The following MYO7B variants were observed in gnomAD, a reference collection of about 807,000 sequenced individuals.
MYO7B encodes the protein myosin VIIB.
MYO7B carries 212 observed loss-of-function variants against 259.7 expected under a neutral mutation model. The observed-to-expected ratio is 0.82, with a 90% confidence interval of 0.73 to 0.91. MYO7B has a LOEUF of 0.91. MYO7B is among the 40% of genes least tolerant of loss of function. The probability of loss-of-function intolerance (pLI) is 0.00; values close to 1 mark genes in which losing one functional copy is unlikely to be tolerated. For synonymous variants in MYO7B, 1,197 were observed against 1,166.4 expected (o/e 1.03, Z -0.54); for missense variants, 2,732 against 2,813.5 (o/e 0.97, Z 0.66).
chr2:127,560,667 C>A (rs941109741), intron 2 of MYO7B, among the ~76,000 whole-genome samples: 2 of 152,132 alleles, frequency 1.3e-5, no homozygotes, highest in Non-Finnish European at 2.9e-5. Context: ...AGCAGAGGCC[C>A]CAAACCAGCC....
intron 34 of MYO7B, among the ~76,000 whole-genome samples, chr2:127,629,071 CAGCCTGCT>C (rs1161747257): frequency 1.3e-5 from 2 of 152,188 alleles, no homozygotes; most frequent in African/African-American, 2.4e-5. Flanking sequence ...CCCGCTGGGC[CAGCCTGCT>C]GGCCGGGTGG....
At chr2:127,596,664 G>C in intron 19 of MYO7B, 108 bp downstream of exon 19, 1 of 894,508 alleles carries the variant, frequency 1.1e-6, no homozygotes, top group Non-Finnish European at 1.8e-6. Flanking sequence ...GGCCCTCCCT[G>C]GGGTTACTGA....
At chr2:127,553,896 G>T (rs1330567513) in intron 1 of MYO7B, among the ~76,000 whole-genome samples, 1 of 152,120 alleles carries the variant, frequency 6.6e-6, no homozygotes, top group African/African-American at 2.4e-5. Flanking sequence ...CTGTGGATTT[G>T]TCATAGATGG....
chr2:127,621,441 A>G, intron 27 of MYO7B, among the ~76,000 whole-genome samples: 1 of 151,968 alleles, frequency 6.6e-6, no homozygotes, highest in East Asian at 1.9e-4. Context: ...TTGTATTTTT[A>G]GTAGAAATGG....
chr2:127,600,446 C>G (rs1295775780), intron 19 of MYO7B, among the ~76,000 whole-genome samples: 1 of 152,192 alleles, frequency 6.6e-6, no homozygotes, highest in Non-Finnish European at 1.5e-5. Flanking sequence ...CATGGTGGCT[C>G]ACACCTGTAA....
chr2:127,631,243 C>T lies in MYO7B; in HGVS notation c.4975C>T (p.Pro1659Ser). ...GGACATGGTGAGCATGGCCGTGCTGCCCCTGGCCCGTGCCCGTGGCCACCT... is the reference window on the plus strand; with the variant it reads ...GGACATGGTGAGCATGGCCGTGCTGTCCCTGGCCCGTGCCCGTGGCCACCT... The part of the protein sequence containing the change: ...EKDMVSMAVL[P>S]LARARGHLWA... The change falls in exon 37 of 48, where the codon CCC becomes TCC. Residue 1659 changes from proline to serine, a missense_variant. Coordinates refer to ENST00000409816, the MANE Select transcript of MYO7B (RefSeq NM_001393586.1). 1 of 1,610,588 alleles carries T rather than the reference C, an allele frequency of 6.2e-7. No individual in the cohort carries two copies. Among genetic ancestry groups the T allele is most frequent in the Non-Finnish European group, 8.5e-7 (1 of 1,178,334 alleles).
chr2:127,596,557 G>A lies in MYO7B; in HGVS notation c.2339+1G>A, dbSNP rs753652415. 2 of 1,609,056 alleles carry A rather than the reference G, an allele frequency of 1.2e-6. No individual in the cohort carries two copies. The highest frequency in any genetic ancestry group is 1.7e-5 in the Admixed American group (1 of 59,546). ...AAGTCCTTCGGGGCTACAGATACAG[G>A]TGCCGGCCCCACCCCAAGGCCCACC... On this transcript the variant is annotated splice_donor_variant, in intron 19 of 47. Transcript: ENST00000409816. LOFTEE classifies it high-confidence loss of function.
chr2:127,631,356 C>T lies in MYO7B; in HGVS notation c.5088C>T (p.Ile1696=), dbSNP rs755244272. The T allele has an allele frequency of 6.2e-7, 1 of 1,607,786 alleles. No homozygotes were observed. Among genetic ancestry groups the T allele is most frequent in the East Asian group, 2.2e-5 (1 of 44,710 alleles). The part of the protein sequence containing the change: ...NVDLWDIACQ[I]FVAILRYMGD... ...ACCTCTGGGACATCGCCTGCCAGATCTTTGTCGATATCCTTCCCCACCAGC... is the reference window on the plus strand; with the variant it reads ...ACCTCTGGGACATCGCCTGCCAGATTTTTGTCGATATCCTTCCCCACCAGC... Residue 1696 remains isoleucine, a synonymous_variant, in exon 37 of 48, where the codon ATC becomes ATT. Coordinates refer to ENST00000409816, the MANE Select transcript of MYO7B (RefSeq NM_001393586.1).
chr2:127,579,173 C>T (rs1679002701), intron 9 of MYO7B, among the ~76,000 whole-genome samples: 1 of 151,920 alleles, frequency 6.6e-6, no homozygotes, highest in Non-Finnish European at 1.5e-5. Flanking sequence ...TGGGAGGACA[C>T]CGTGGCAGAG....
Position 127,612,228 on chromosome 2 carries a change from C to T in MYO7B, c.3193-22C>T, listed in dbSNP as rs114641516. On this transcript the variant is annotated intron_variant, in intron 24 of 47. Coordinates refer to ENST00000409816, the MANE Select transcript of MYO7B (RefSeq NM_001393586.1). ...AGGTGAGCCCAGGCTCACCTTCCTG[C>T]GGGAACTGTCTCCCTCCACAGAGAT... The T allele has an allele frequency of 5.1e-4, 307 of 600,350 alleles. 1 individual carries two copies. The highest frequency in any genetic ancestry group is 4.9e-3 in the African/African-American group (268 of 54,764). The allele number at this position is 600,350 out of a possible 1,614,324, so 37.2% of individuals were successfully genotyped here. A position where few individuals can be genotyped will look rare whatever the true frequency, so the allele number is the denominator to read the frequency against.
Position 127,628,585 on chromosome 2 carries a change from C to T in MYO7B, c.4624+50C>T, listed in dbSNP as rs569128775. 108 of 1,364,832 alleles carry T rather than the reference C, an allele frequency of 7.9e-5. 3 individuals are homozygous for T. The South Asian group carries it at 1.2e-3, about 15-fold the overall frequency. The allele number at this position is 1,364,832 out of a possible 1,614,324, so 84.5% of individuals were successfully genotyped here. ...GGGGTGGGGTGGGGTGGGGGAGGGCCGCGCATGGGGTCTGTAGGTAGGTGG... is the reference window on the plus strand; with the variant it reads ...GGGGTGGGGTGGGGTGGGGGAGGGCTGCGCATGGGGTCTGTAGGTAGGTGG... On this transcript the variant is annotated intron_variant, in intron 34 of 47. Coordinates refer to ENST00000409816, the MANE Select transcript of MYO7B (RefSeq NM_001393586.1). This position sits in a 1 kb window ranked among gnomAD's most constrained non-coding sequence, Gnocchi z 4.8.
chr2:127,569,547 AGT>A (rs1008285999), intron 5 of MYO7B, among the ~76,000 whole-genome samples: 5 of 152,178 alleles, frequency 3.3e-5, no homozygotes, highest in Non-Finnish European at 5.9e-5. Flanking sequence ...ATCAGATCCG[AGT>A]GTGCCAAGGA....
At chr2:127,554,349 C>T (rs1693560026) in intron 1 of MYO7B, among the ~76,000 whole-genome samples, 2 of 152,246 alleles carry the variant, frequency 1.3e-5, no homozygotes, top group Admixed American at 6.5e-5. Flanking sequence ...ACTGGGATTA[C>T]AGGCATGAGC....
In MYO7B at chr2:127,605,924, A is replaced by G; in HGVS notation, c.2420A>G (p.Lys807Arg). ...WRGYCNRRNF[K>R]LILVGFERLQ... Reference sequence around the variant, plus strand: ...GGCTACTGCAACAGGAGGAATTTCAAGCTGGTGAGAGAGCTCTCTGGGGCG... The same window carrying G: ...GGCTACTGCAACAGGAGGAATTTCAGGCTGGTGAGAGAGCTCTCTGGGGCG... Residue 807 changes from lysine to arginine, a missense_variant, in exon 20 of 48, where the codon AAG becomes AGG. By Grantham distance (26) the Lys-to-Arg change is conservative (BLOSUM62 2). Around this residue, in one of 3 missense-constraint regions of MYO7B, gnomAD observed 1,906 missense variants for 2,026.4 expected, o/e 0.94. Transcript: ENST00000409816. The G allele has an allele frequency of 3.1e-6, 5 of 1,608,350 alleles. No homozygotes were observed. Among genetic ancestry groups the G allele is most frequent in the Non-Finnish European group, 4.2e-6 (5 of 1,178,834 alleles).
chr2:127,624,233 C>G lies in MYO7B; in HGVS notation c.3960C>G (p.His1320Gln). The G allele has an allele frequency of 1.3e-6, 2 of 1,595,470 alleles. No homozygotes were observed. Among genetic ancestry groups the G allele is most frequent in the African/African-American group, 2.7e-5 (2 of 74,586 alleles). The change falls in exon 30 of 48, where the codon CAC becomes CAG. Residue 1320 changes from histidine (H) to glutamine (Q), a missense_variant. Coordinates refer to ENST00000409816, the MANE Select transcript of MYO7B (RefSeq NM_001393586.1). ...YFRKEFFTPWHDSREDPVSTE... is the reference protein window; with the variant it reads ...YFRKEFFTPWQDSREDPVSTE... ...GGAAGGAATTCTTCACCCCCTGGCA[C>G]GACTCCCGGGAGGACCCTGTCAGCA...
Position 127,578,188 on chromosome 2 carries a change from G to A in MYO7B, c.905G>A (p.Arg302His), listed in dbSNP as rs192308013. The change falls in exon 9 of 48, where the codon CGC becomes CAC. Residue 302 changes from arginine to histidine, a missense_variant. Transcript: ENST00000409816. ...LNDAKDYAHI[R>H]SAMKILQFSD... Reference sequence around the variant, plus strand: ...GACGCCAAGGACTACGCCCACATCCGCTCGGCCATGAAGATCCTCCAGTTC... The same window carrying A: ...GACGCCAAGGACTACGCCCACATCCACTCGGCCATGAAGATCCTCCAGTTC... 24 of 1,613,778 alleles carry A rather than the reference G, an allele frequency of 1.5e-5. No homozygotes were observed. Among genetic ancestry groups the A allele is most frequent in the Middle Eastern group, 3.3e-4 (2 of 6,062 alleles).
intron 47 of MYO7B, 50 bp from the exon 48 acceptor site, chr2:127,637,266 C>T (rs977768654): frequency 2.3e-5 from 32 of 1,412,496 alleles, no homozygotes; most frequent in Non-Finnish European, 2.9e-5. Flanking sequence ...TCCAGGACCC[C>T]CACCTGCCCT....
At chr2:127,554,623 T>C (rs1309690976) in intron 1 of MYO7B, among the ~76,000 whole-genome samples, 1 of 152,224 alleles carries the variant, frequency 6.6e-6, no homozygotes, top group East Asian at 1.9e-4. Context: ...ATTCCCTCTT[T>C]CTCTATGTTG....
rs185735057 is a variant in MYO7B at position 127,634,716 on chromosome 2, G to A, written c.5713+33G>A. On this transcript the variant is annotated intron_variant, in intron 42 of 47. Coordinates refer to ENST00000409816, the MANE Select transcript of MYO7B (RefSeq NM_001393586.1). ...GGCCTCTGTGGAGCTGGGGGAGGGCGTGGCTGGGTGGGTCGAGGGGGCACT... is the reference window on the plus strand; with the variant it reads ...GGCCTCTGTGGAGCTGGGGGAGGGCATGGCTGGGTGGGTCGAGGGGGCACT... The A allele has an allele frequency of 4.9e-4, 775 of 1,577,034 alleles. 2 individuals carry two copies. In the African/African-American group the frequency reaches 7.1e-3, roughly 15 times the overall value.
Sources: gnomAD v4.1 joint callset for allele counts (sites outside exome capture counted in the v4.1 genomes callset) on GRCh38, gnomAD v4.1.1 for gene constraint, gnomAD v4.1.1 regional missense constraint, Gnocchi (gnomAD v3.1) non-coding constraint, MANE v1.5 for transcripts, NCBI Gene and HGNC (gene_info 2026-07-23, HGNC 2026-07-21) for gene names.